The following IL26 variants were observed in gnomAD, a reference collection of about 807,000 sequenced individuals.
IL26 encodes interleukin-26.
A neutral mutation model predicts 21.7 loss-of-function variants in IL26; 23 were observed. The observed-to-expected ratio is 1.06, with a 90% CI of 0.76 to 1.50. The LOEUF (loss-of-function observed/expected upper bound fraction) is 1.50, where lower values mean the gene tolerates loss of function less well. Among genes scored for constraint, IL26 ranks in the 40% most tolerant of loss-of-function variants. The pLI, the probability that IL26 is intolerant of heterozygous loss-of-function variation, is 0.00. For synonymous variants in IL26, 63 were observed against 67.8 expected (o/e 0.93, Z 0.34); for missense variants, 204 against 196.0 (o/e 1.04, Z -0.24).
chr12:68,225,604 C>T lies in IL26; in HGVS notation c.153G>A (p.Trp51Ter), dbSNP rs1314173341. 6.2e-7 allele frequency: 1 copy of T among 1,613,864 alleles called. No homozygotes were observed. The highest frequency in any genetic ancestry group is 8.5e-7 in the Non-Finnish European group (1 of 1,179,812). The change falls in exon 1 of 5, where the codon TGG (tryptophan) becomes TGA (stop). Residue 51 changes from tryptophan to a stop codon, truncating the protein, a stop_gained. Coordinates refer to ENST00000229134, the MANE Select transcript of IL26 (RefSeq NM_018402.2). LOFTEE classifies it high-confidence loss of function. ...AVDALYIKAA[W>*]LKATIPEDRI... ...TACTTACTGGAATCGTTGCTTTGAG[C>T]CATGCTGCTTTGATATAGAGAGCGT...
intron 3 of IL26, among the ~76,000 whole-genome samples, chr12:68,209,669 C>G (rs2870944): frequency 0.14 from 21,048 of 152,040 alleles, 1,583 homozygotes; most frequent in African/African-American, 0.19. Context: ...CTGGACCCTG[C>G]ACATGTTCCA....
intron 3 of IL26, among the ~76,000 whole-genome samples, chr12:68,205,136 A>T (rs982491447): frequency 6.6e-6 from 1 of 152,174 alleles, no homozygotes; most frequent in Non-Finnish European, 1.5e-5. Context: ...CATAGGAAAC[A>T]TTCATTCTTT....
intron 3 of IL26, among the ~76,000 whole-genome samples, chr12:68,213,758 TTC>T (rs1174344301): frequency 2.6e-5 from 4 of 152,006 alleles, no homozygotes; most frequent in African/African-American, 9.7e-5. Flanking sequence ...ATTTTGTATT[TTC>T]TCTCTTTTTC....
chr12:68,201,886 G>T lies in IL26; in HGVS notation c.475C>A (p.Leu159Ile). ...AATAATTTTTTAATCCAGGAAAGAA[G>T]AATATCCAGTTCACTGATGGCTTTG... is the stretch of plus-strand genomic sequence containing the variant. The part of the protein sequence containing the change: ...IYKAISELDI[L>I]LSWIKKLLES... Residue 159 changes from leucine (L) to isoleucine (I), a missense_variant, in exon 5 of 5, where the codon CTT becomes ATT. Transcript: ENST00000229134. 7 of 1,605,822 alleles carry T rather than the reference G, an allele frequency of 4.4e-6. No homozygotes were observed. Among genetic ancestry groups the T allele is most frequent in the Non-Finnish European group, 5.9e-6 (7 of 1,177,608 alleles).
chr12:68,223,067 C>T (rs753852525), intron 3 of IL26, among the ~76,000 whole-genome samples: 2 of 152,064 alleles, frequency 1.3e-5, no homozygotes, highest in Admixed American at 6.5e-5. Context: ...TTGGCTGAAA[C>T]ATTATAGACA....
chr12:68,223,883 G>GTTTTTTTTTTTTTTT (rs201652400), intron 3 of IL26, among the ~76,000 whole-genome samples: 1 of 81,916 alleles, frequency 1.2e-5, no homozygotes, highest in Non-Finnish European at 3.1e-5. Context: ...TAAATTTGGT[G>GTTTTTTTTTTTTTTT]GTTTTTTTTT....
intron 3 of IL26, among the ~76,000 whole-genome samples, chr12:68,208,971 C>A (rs1231281180): frequency 6.6e-6 from 1 of 152,200 alleles, no homozygotes; most frequent in African/African-American, 2.4e-5. Flanking sequence ...CACAAGCCTA[C>A]TTGTTTCTTA....
chr12:68,211,285 A>G (rs901018272), intron 3 of IL26, among the ~76,000 whole-genome samples: 2 of 151,976 alleles, frequency 1.3e-5, no homozygotes, highest in African/African-American at 4.8e-5. Context: ...ATTATACCAC[A>G]TTTTCTTTAT....
chr12:68,214,887 T>G (rs1592898576), intron 3 of IL26, among the ~76,000 whole-genome samples: 1 of 124,666 alleles, frequency 8.0e-6, no homozygotes, highest in Non-Finnish European at 1.8e-5. Flanking sequence ...GTTTTATGTT[T>G]TTTTTTTTTT....
intron 3 of IL26, among the ~76,000 whole-genome samples, chr12:68,205,499 T>C (rs1022280398): frequency 1.3e-5 from 2 of 151,992 alleles, no homozygotes; most frequent in African/African-American, 2.4e-5. Context: ...GAAGAGAAAA[T>C]ATATTTACTA....
intron 3 of IL26, among the ~76,000 whole-genome samples, chr12:68,215,495 G>T (rs1203451452): frequency 6.6e-6 from 1 of 152,178 alleles, no homozygotes; most frequent in Non-Finnish European, 1.5e-5. Flanking sequence ...TTTTCAGGAT[G>T]CAGAAGAAGG....
chr12:68,218,718 C>T (rs1868962930), intron 3 of IL26, among the ~76,000 whole-genome samples: 1 of 151,956 alleles, frequency 6.6e-6, no homozygotes, highest in Admixed American at 6.5e-5. Context: ...CTCACAAATA[C>T]AAGATTCCCA....
chr12:68,204,141 A>ATTTTTTTTTTTTTTTTTTTTTTT (rs6144754), intron 3 of IL26, among the ~76,000 whole-genome samples: 47 of 113,190 alleles, frequency 4.2e-4, no homozygotes, highest in African/African-American at 6.9e-4. Flanking sequence ...GGATTCAAAG[A>ATTTTTTTTTTTTTTTTTTTTTTT]TTTTTTTTTT....
At chr12:68,202,664 C>T (rs1234851859) in intron 3 of IL26, among the ~76,000 whole-genome samples, 2 of 152,130 alleles carry the variant, frequency 1.3e-5, no homozygotes, top group African/African-American at 2.4e-5. Context: ...CAGGAGAAAC[C>T]TCCCCCATGA....
intron 3 of IL26, among the ~76,000 whole-genome samples, chr12:68,203,173 G>A (rs1868435350): frequency 6.6e-6 from 1 of 152,162 alleles, no homozygotes; most frequent in Non-Finnish European, 1.5e-5. Context: ...TGGCTGGCCA[G>A]GGGAAACTAC....
intron 3 of IL26, among the ~76,000 whole-genome samples, chr12:68,224,779 AAG>A (rs750235542): frequency 3.0e-5 from 4 of 134,846 alleles, no homozygotes; most frequent in Non-Finnish European, 7.1e-5. Context: ...AAGGGAGAGA[AAG>A]AGAGACTTAG....
Position 68,201,993 on chromosome 12 carries a change from T to A in IL26, c.429+25A>T, listed in dbSNP as rs761540272. 1.2e-5 allele frequency: 18 copies of A among 1,545,648 alleles called. No individual in the cohort carries two copies. The South Asian group carries it at 1.8e-4, about 16-fold the overall frequency. ...TCCTATTTTAAAAAACAAAGTTTTTTAATATAAGGATTTAGAATTCTTACC... is the reference window on the plus strand; with the variant it reads ...TCCTATTTTAAAAAACAAAGTTTTTAAATATAAGGATTTAGAATTCTTACC... On this transcript the variant is annotated intron_variant, in intron 4 of 4. Coordinates refer to ENST00000229134, the MANE Select transcript of IL26 (RefSeq NM_018402.2).
chr12:68,205,474 T>G (rs540336181), intron 3 of IL26, among the ~76,000 whole-genome samples: 1 of 152,100 alleles, frequency 6.6e-6, no homozygotes, highest in East Asian at 1.9e-4. Flanking sequence ...ACAATGTAAC[T>G]AAGAAAATCA....
At chr12:68,216,751 T>C (rs1301157894) in intron 3 of IL26, among the ~76,000 whole-genome samples, 1 of 152,258 alleles carries the variant, frequency 6.6e-6, no homozygotes, top group African/African-American at 2.4e-5. Flanking sequence ...CACAATATTC[T>C]GTTTGCCAAT....
Sources: gnomAD v4.1 joint callset for allele counts (sites outside exome capture counted in the v4.1 genomes callset) on GRCh38, gnomAD v4.1.1 for gene constraint, MANE v1.5 for transcripts, NCBI Gene and HGNC (gene_info 2026-07-23, HGNC 2026-07-21) for gene names.